The following AHCYL1 variants were observed in gnomAD, a reference collection of about 807,000 sequenced individuals.
AHCYL1 encodes adenosylhomocysteinase like 1.
A neutral mutation model predicts 79.3 loss-of-function variants in AHCYL1; 20 were observed. The ratio of observed to expected loss-of-function variants is 0.25; its 90% CI spans 0.18 to 0.37. The LOEUF (loss-of-function observed/expected upper bound fraction) is 0.37, where lower values mean the gene tolerates loss of function less well. AHCYL1 is among the 10% of genes least tolerant of loss of function. The pLI is 1.00. For missense variants in AHCYL1, 330 were observed against 673.6 expected, an observed-to-expected ratio of 0.49 and a Z score of 5.65; for synonymous variants, 223 against 242.2, an observed-to-expected ratio of 0.92 and a Z score of 0.74.
In AHCYL1 at chr1:110,004,193, CAG is replaced by C. The variant is rs1650499106; in HGVS notation, c.121-4838_121-4837del. ...GTTATATCCTGTTACTGTTGAGACA[CAG>C]AGGCGGGAGTCGGCGGGGGAAGATA... On this transcript the variant is annotated intron_variant, in intron 1 of 16. Coordinates refer to ENST00000369799, the MANE Select transcript of AHCYL1 (RefSeq NM_006621.7). The C allele has an allele frequency of 1.3e-5, 13 of 985,514 alleles. 1 individual carries two copies. In the South Asian group the frequency reaches 4.7e-4, roughly 36 times the overall value. The allele number at this position is 985,514 out of a possible 1,614,324, so 61.0% of individuals were successfully genotyped here.
intron 5 of AHCYL1, among the ~76,000 whole-genome samples, chr1:110,013,766 C>T (rs1651222342): frequency 1.3e-5 from 2 of 151,414 alleles, no homozygotes; most frequent in African/African-American, 4.8e-5. Context: ...AAGAAAATCA[C>T]CGTGAAGTTT....
rs995969221 is a variant in AHCYL1 at position 110,023,585 on chromosome 1, T to C, written c.*1905T>C. ...TGTCAAGCCATGTAACAAAGGACAC[T>C]GTTAAAAAAAAAAAAAAGTCTGGCA... On this transcript the variant is annotated 3_prime_UTR_variant, in exon 17 of 17. Coordinates refer to ENST00000369799, the MANE Select transcript of AHCYL1 (RefSeq NM_006621.7). 6.7e-6 allele frequency: 1 copy of C among 149,934 alleles called. No individual in the cohort carries two copies. The highest frequency in any genetic ancestry group is 2.5e-5 in the African/African-American group (1 of 40,108). 9.3% of individuals were successfully genotyped at this position (149,934 alleles called of 1,614,324 possible). A position where few individuals can be genotyped will look rare whatever the true frequency, so the allele number is the denominator to read the frequency against.
At chr1:110,004,912 A>G (rs1197923503) in intron 1 of AHCYL1, among the ~76,000 whole-genome samples, 1 of 152,240 alleles carries the variant, frequency 6.6e-6, no homozygotes, top group Admixed American at 6.5e-5. Context: ...GAAAAGATGT[A>G]GGAATCTTGA....
At chr1:110,019,932 G>A (rs1168927971) in intron 15 of AHCYL1, among the ~76,000 whole-genome samples, 1 of 152,218 alleles carries the variant, frequency 6.6e-6, no homozygotes, top group African/African-American at 2.4e-5. Flanking sequence ...ACTTCCCAGT[G>A]CAGCTGAGTA....
chr1:110,021,640 A>C, intron 16 of AHCYL1, 34 bp from the exon 17 acceptor site: 1 of 1,608,656 alleles, frequency 6.2e-7, no homozygotes, highest in Non-Finnish European at 8.5e-7. Flanking sequence ...TATGGAAGAC[A>C]TAAGTGTTAA....
chr1:110,013,802 C>T (rs1054276426), intron 5 of AHCYL1, among the ~76,000 whole-genome samples: 1 of 142,170 alleles, frequency 7.0e-6, no homozygotes. Flanking sequence ...ATCTTTCTTT[C>T]TTTTTTTTTT....
Position 109,985,097 on chromosome 1 carries a change from G to C in AHCYL1, c.45G>C (p.Glu15Asp). Residue 15 changes from glutamate (E) to aspartate (D), a missense_variant, in exon 1 of 17, where the codon GAG (glutamate) becomes GAC (aspartate). Around this residue, in one of 6 missense-constraint regions of AHCYL1, gnomAD observed 66 missense variants for 68.0 expected, o/e 0.97. Transcript: ENST00000369799. Reference sequence around the variant, plus strand: ...TGCCGCTGCCCGGGGTCGGGGAGGAGCTGAAGCAGGCCAAGGAGATCGAGG... The same window carrying C: ...TGCCGCTGCCCGGGGTCGGGGAGGACCTGAAGCAGGCCAAGGAGATCGAGG... ...DAMPLPGVGE[E>D]LKQAKEIEDA... The C allele has an allele frequency of 6.2e-7, 1 of 1,610,532 alleles. No individual in the cohort carries two copies. Among genetic ancestry groups the C allele is most frequent in the Non-Finnish European group, 8.5e-7 (1 of 1,178,798 alleles).
At chr1:109,996,904 T>A (rs1012255984) in intron 1 of AHCYL1, among the ~76,000 whole-genome samples, 1 of 152,162 alleles carries the variant, frequency 6.6e-6, no homozygotes, top group African/African-American at 2.4e-5. Context: ...CCTAGAAGAC[T>A]TGTCTAGATT....
chr1:110,016,222 C>T (rs562068349), intron 7 of AHCYL1, 122 bp from the exon 8 acceptor site: 1 of 646,500 alleles, frequency 1.5e-6, no homozygotes, highest in African/African-American at 1.9e-5. Flanking sequence ...TATCCTTGGG[C>T]AATAAATGAG....
At chr1:110,017,393 G>C in intron 9 of AHCYL1, 102 bp from the exon 10 acceptor site, 1 of 1,038,984 alleles carries the variant, frequency 9.6e-7, no homozygotes, top group South Asian at 1.4e-5. Context: ...CAGATGACAG[G>C]CTATTTCATG....
chr1:110,014,443 A>C (rs58387646), intron 5 of AHCYL1, among the ~76,000 whole-genome samples: 4,527 of 152,296 alleles, frequency 0.03, 235 homozygotes, highest in African/African-American at 0.1. Flanking sequence ...AGGTTGTTTC[A>C]AGATGTTTAC....
intron 16 of AHCYL1, 76 bp from the exon 17 acceptor site, chr1:110,021,598 G>T: frequency 6.7e-7 from 1 of 1,484,222 alleles, no homozygotes; most frequent in Non-Finnish European, 9.4e-7. Flanking sequence ...TGGAGAAGGT[G>T]CTCTGTTTCC....
intron 1 of AHCYL1, among the ~76,000 whole-genome samples, chr1:109,990,661 G>A (rs1316254233): frequency 6.6e-6 from 1 of 152,162 alleles, no homozygotes; most frequent in South Asian, 2.1e-4. Flanking sequence ...AACTACAGGG[G>A]TGGGGTGTGT....
intron 1 of AHCYL1, 56 bp downstream of exon 1, chr1:109,985,228 G>T (rs1017790505): frequency 6.4e-7 from 1 of 1,570,110 alleles, no homozygotes; most frequent in African/African-American, 1.4e-5. Context: ...CGGAAGGGAC[G>T]CGAGCAAGCC....
chr1:110,012,941 G>C lies in AHCYL1; in HGVS notation c.522G>C (p.Trp174Cys). ...GTGCCCTGGGGGCTCAGTGCCGCTGGTCTGCTTGTAACATCTACTCAACTC... is the reference window on the plus strand; with the variant it reads ...GTGCCCTGGGGGCTCAGTGCCGCTGCTCTGCTTGTAACATCTACTCAACTC... ...TLCALGAQCR[W>C]SACNIYSTQN... Residue 174 changes from tryptophan to cysteine, a missense_variant, in exon 5 of 17, where the codon TGG (tryptophan) becomes TGC (cysteine). By Grantham distance (215) the Trp-to-Cys change is radical. Transcript: ENST00000369799. 1 of 1,613,018 alleles carries C rather than the reference G, an allele frequency of 6.2e-7. No individual in the cohort carries two copies. The highest frequency in any genetic ancestry group is 1.7e-5 in the Admixed American group (1 of 59,886).
intron 14 of AHCYL1, 21 bp downstream of exon 14, chr1:110,019,140 T>C: frequency 6.2e-7 from 1 of 1,610,312 alleles, no homozygotes; most frequent in Non-Finnish European, 8.5e-7. Context: ...AAATGCCTGC[T>C]TACACTGCAC....
At chr1:110,017,170 G>A (rs1651472368) in intron 9 of AHCYL1, among the ~76,000 whole-genome samples, 1 of 152,178 alleles carries the variant, frequency 6.6e-6, no homozygotes, top group Non-Finnish European at 1.5e-5. Context: ...GTATCCTTGA[G>A]TAGATTCTTC....
chr1:109,987,700 A>C (rs1027747624), intron 1 of AHCYL1, among the ~76,000 whole-genome samples: 2 of 152,226 alleles, frequency 1.3e-5, no homozygotes, highest in African/African-American at 2.4e-5. Flanking sequence ...TAGATTCTTC[A>C]GCTATAATCA....
In AHCYL1 at chr1:110,012,481, A is replaced by T. The variant is rs748153810; in HGVS notation, c.477+19A>T. ...GACAGCGGTGAGTTTGTTGGAAGAA[A>T]AGAGGGACTTCTGATAAGGGGAAGA... On this transcript the variant is annotated intron_variant, in intron 4 of 16. Coordinates refer to ENST00000369799, the MANE Select transcript of AHCYL1 (RefSeq NM_006621.7). The T allele has an allele frequency of 2.6e-6, 4 of 1,560,394 alleles. No homozygotes were observed. In the African/African-American group the frequency reaches 5.5e-5, roughly 22 times the overall value.
Sources: allele counts gnomAD v4.1 joint callset (sites outside exome capture counted in the v4.1 genomes callset), GRCh38; gene constraint gnomAD v4.1.1; regional missense constraint gnomAD v4.1.1; transcripts MANE v1.5; gene names NCBI Gene and HGNC (gene_info 2026-07-23, HGNC 2026-07-21).